SEM1: variants seen among roughly 807,000 people sequenced by gnomAD.
SEM1 encodes the protein 26S proteasome complex subunit SEM1.
A neutral mutation model predicts 12.7 loss-of-function variants in SEM1; 3 were observed. The observed-to-expected ratio is 0.24, with a 90% CI of 0.11 to 0.61. The LOEUF (loss-of-function observed/expected upper bound fraction) is 0.61, where lower values mean the gene tolerates loss of function less well. Among genes scored for constraint, SEM1 ranks in the 20% least tolerant of loss-of-function variants. The pLI, the probability that SEM1 is intolerant of heterozygous loss-of-function variation, is 0.88. For missense variants in SEM1, 59 were observed against 81.3 expected (o/e 0.73, Z 1.06); for synonymous variants, 30 against 27.8 (o/e 1.08, Z -0.25).
intron 2 of SEM1, among the ~76,000 whole-genome samples, chr7:96,639,644 A>T (rs1808529074): frequency 6.6e-6 from 1 of 151,882 alleles, no homozygotes; most frequent in African/African-American, 2.4e-5. Context: ...CATAGGAGTA[A>T]CTCTAGATGA....
intron 2 of SEM1, among the ~76,000 whole-genome samples, chr7:96,693,761 T>TGTGTGTGTGTGTGC (rs1491522571): frequency 4.3e-3 from 269 of 63,188 alleles, no homozygotes; most frequent in Non-Finnish European, 5.5e-3. Context: ...CAATTCCACT[T>TGTGTGTGTGTGTGC]GTGTGTGTGT....
At position 96,665,091 on chromosome 7, in the gene SEM1, C is replaced by G. The variant is rs372555582; in HGVS notation, c.170+29707G>C. ...GGATCTCAGTTCTGAACTCTCAGGG[C>G]TCCCATAGGCACTGGTTTCTCATCT... On this transcript the variant is annotated intron_variant, in intron 2 of 2. Transcript: ENST00000417009. Among the ~76,000 whole-genome samples, 5 of 152,250 alleles carry G rather than the reference C, an allele frequency of 3.3e-5. 1 individual carries two copies. The highest frequency in any genetic ancestry group is 1.2e-4 in the African/African-American group (5 of 41,548).
intron 2 of SEM1, among the ~76,000 whole-genome samples, chr7:96,593,220 C>A (rs528326321): frequency 1.3e-5 from 2 of 152,100 alleles, no homozygotes; most frequent in African/African-American, 2.4e-5. Context: ...GCATTCTGAG[C>A]TTCCCAGATT....
chr7:96,500,684 T>C (rs1465654908), upstream of SEM1, among the ~76,000 whole-genome samples: 1 of 152,166 alleles, frequency 6.6e-6, no homozygotes, highest in African/African-American at 2.4e-5. Context: ...TTCTAACTTA[T>C]CTGTGCTTCC....
At chr7:96,536,457 A>C (rs768946572) in intron 2 of SEM1, among the ~76,000 whole-genome samples, 1 of 151,776 alleles carries the variant, frequency 6.6e-6, no homozygotes, top group Non-Finnish European at 1.5e-5. Flanking sequence ...TGGTCAGGTC[A>C]CATGATCAAG....
At chr7:96,509,719 G>A (rs572415926) in intron 2 of SEM1, among the ~76,000 whole-genome samples, 2 of 152,174 alleles carry the variant, frequency 1.3e-5, no homozygotes, top group East Asian at 1.9e-4. Context: ...GCCTTAAAAC[G>A]GAAGAAAATT....
At chr7:96,627,292 T>C (rs560443789) in intron 2 of SEM1, among the ~76,000 whole-genome samples, 3 of 152,156 alleles carry the variant, frequency 2.0e-5, no homozygotes, top group Admixed American at 2.0e-4. Context: ...ATTCCTTTTC[T>C]TCTACTAATT....
intron 1 of SEM1, among the ~76,000 whole-genome samples, chr7:96,495,190 G>C (rs1803192351): frequency 6.6e-6 from 1 of 152,118 alleles, no homozygotes; most frequent in South Asian, 2.1e-4. Context: ...TTTGGTTATG[G>C]ATAATGAATA....
At chr7:96,703,897 CGTAATAATCT>C (rs1290514868) in intron 1 of SEM1, among the ~76,000 whole-genome samples, 1 of 150,754 alleles carries the variant, frequency 6.6e-6, no homozygotes, top group Non-Finnish European at 1.5e-5. Flanking sequence ...AGTTCAAGGC[CGTAATAATCT>C]GTGACAGCGC....
At chr7:96,614,230 C>G (rs1807634498) in intron 2 of SEM1, among the ~76,000 whole-genome samples, 1 of 152,134 alleles carries the variant, frequency 6.6e-6, no homozygotes, top group South Asian at 2.1e-4. Flanking sequence ...GTGAATTTAT[C>G]TATTTATCTC....
At position 96,492,390 on chromosome 7, in the gene SEM1, T is replaced by C. The variant is rs554934043; in HGVS notation, c.12+3894A>G. 3.9e-5 allele frequency among the ~76,000 whole-genome samples: 6 copies of C among 152,162 alleles called. No homozygotes were observed. In the South Asian group the frequency reaches 1.2e-3, roughly 32 times the overall value. On this transcript the variant is annotated intron_variant, in intron 1 of 3. Coordinates refer to the SEM1 transcript ENST00000356686. Reference sequence around the variant, plus strand: ...AATGCCCTCAAGCTTCATCCATGTTTTAGCATGTATCAGGGCTTCATTCCT... The same window carrying C: ...AATGCCCTCAAGCTTCATCCATGTTCTAGCATGTATCAGGGCTTCATTCCT...
intron 2 of SEM1, among the ~76,000 whole-genome samples, chr7:96,533,811 A>T (rs537286463): frequency 2.2e-4 from 33 of 152,154 alleles, no homozygotes; most frequent in African/African-American, 7.7e-4. Context: ...AAAAGCAGTT[A>T]TAGCTACAAG....
downstream of SEM1, among the ~76,000 whole-genome samples, chr7:96,684,485 G>C (rs945597395): frequency 2.0e-5 from 3 of 152,110 alleles, no homozygotes; most frequent in South Asian, 6.2e-4. Context: ...GGGGGAGGCA[G>C]GGGAGATGAG....
chr7:96,490,897 A>AC (rs1201167572), intron 1 of SEM1, among the ~76,000 whole-genome samples: 2 of 152,052 alleles, frequency 1.3e-5, no homozygotes, highest in Non-Finnish European at 2.9e-5. Context: ...CCACTCTGTG[A>AC]CCCCCTGCAG....
chr7:96,523,630 G>A (rs777663615), intron 2 of SEM1, among the ~76,000 whole-genome samples: 14 of 151,980 alleles, frequency 9.2e-5, no homozygotes, highest in Non-Finnish European at 8.8e-5. Flanking sequence ...CCTGACCACA[G>A]CCACCCACCA....
chr7:96,669,332 T>C (rs1303881689), downstream of SEM1, among the ~76,000 whole-genome samples: 1 of 152,238 alleles, frequency 6.6e-6, no homozygotes, highest in Non-Finnish European at 1.5e-5. Context: ...CTGTCATAAA[T>C]ACTCAATTCT....
intron 1 of SEM1, among the ~76,000 whole-genome samples, chr7:96,490,988 T>A (rs1769239615): frequency 6.6e-6 from 1 of 152,188 alleles, no homozygotes; most frequent in Admixed American, 6.5e-5. Flanking sequence ...GCACACAGGA[T>A]CTCTGAGATT....
chr7:96,688,740 G>T, downstream of SEM1: 2 of 496,858 alleles, frequency 4.0e-6, no homozygotes, highest in Non-Finnish European at 7.0e-6. Context: ...AGAAGCAAAA[G>T]ATTAAGACTT....
intron 2 of SEM1, among the ~76,000 whole-genome samples, chr7:96,626,593 G>A (rs908657263): frequency 2.0e-5 from 3 of 151,964 alleles, no homozygotes; most frequent in African/African-American, 4.8e-5. Flanking sequence ...ACATTGATTG[G>A]TTTGCATATG....
Sources: allele counts gnomAD v4.1 joint callset (sites outside exome capture counted in the v4.1 genomes callset), GRCh38; gene constraint gnomAD v4.1.1; transcripts MANE v1.5; gene names NCBI Gene and HGNC (gene_info 2026-07-23, HGNC 2026-07-21).